The following ALDH1A2 variants were observed in gnomAD, a reference collection of about 807,000 sequenced individuals.
The protein encoded by ALDH1A2 is aldehyde dehydrogenase 1 family member A2.
A neutral mutation model predicts 60.3 loss-of-function variants in ALDH1A2; 27 were observed. That is an observed-to-expected ratio of 0.45 (90% CI 0.33 to 0.62). The LOEUF is 0.62. Among genes scored for constraint, ALDH1A2 ranks in the 20% least tolerant of loss-of-function variants. The pLI is 0.02. For synonymous variants in ALDH1A2, 289 were observed against 232.4 expected (o/e 1.24, Z -2.21); for missense variants, 581 against 643.8 (o/e 0.90, Z 1.06).
chr15:57,964,599 G>A (rs1893834849), intron 8 of ALDH1A2: 1 of 156,956 alleles, frequency 6.4e-6, no homozygotes, highest in South Asian at 1.9e-4. Context: ...AAATCTACAG[G>A]GCCTTGGGGC....
chr15:57,979,176 A>G (rs1330110231), intron 7 of ALDH1A2, among the ~76,000 whole-genome samples: 2 of 152,240 alleles, frequency 1.3e-5, no homozygotes, highest in East Asian at 3.9e-4. Context: ...GTCCTAGGGA[A>G]ATCCAGCCAC....
intron 10 of ALDH1A2, 58 bp from the exon 11 acceptor site, chr15:57,961,352 C>A: frequency 6.3e-7 from 1 of 1,587,214 alleles, no homozygotes; most frequent in South Asian, 1.1e-5. Flanking sequence ...ACCTGCTTTC[C>A]ACATTTCAAT....
At chr15:57,974,513 A>G (rs1375796171) in intron 7 of ALDH1A2, among the ~76,000 whole-genome samples, 1 of 152,048 alleles carries the variant, frequency 6.6e-6, no homozygotes, top group Non-Finnish European at 1.5e-5. Flanking sequence ...AAGCATCACA[A>G]AGGCAATTCA....
At chr15:58,046,101 C>A (rs1310225756) in intron 1 of ALDH1A2, among the ~76,000 whole-genome samples, 1 of 152,000 alleles carries the variant, frequency 6.6e-6, no homozygotes, top group Admixed American at 6.6e-5. Context: ...ATACTCCCTG[C>A]AACAAAGGCT....
intron 1 of ALDH1A2, among the ~76,000 whole-genome samples, chr15:58,015,412 T>A (rs1161430451): frequency 2.0e-5 from 3 of 152,222 alleles, no homozygotes; most frequent in Non-Finnish European, 4.4e-5. Flanking sequence ...ATAACTTTCT[T>A]TTCCCAAAGG....
chr15:57,964,068 C>T lies in ALDH1A2; in HGVS notation c.903G>A (p.Leu301=). 6.2e-7 allele frequency: 1 copy of T among 1,613,978 alleles called. No individual in the cohort carries two copies. Among genetic ancestry groups the T allele is most frequent in the Non-Finnish European group, 8.5e-7 (1 of 1,179,978 alleles). Residue 301 remains leucine (L), a splice_region_variant and synonymous_variant, in exon 9 of 13, where the codon TTG becomes TTA. Coordinates refer to ENST00000249750, the MANE Select transcript of ALDH1A2 (RefSeq NM_003888.4). ...GGTGGGCCTGCTCCACAGCATAGTCCACTACAAGAGGAAACAGCCATGTTC... is the reference window on the plus strand; with the variant it reads ...GGTGGGCCTGCTCCACAGCATAGTCTACTACAAGAGGAAACAGCCATGTTC... ...SPNIIFADAD[L]DYAVEQAHQG... is the part of the protein sequence containing the mutation.
At chr15:57,956,185 C>G (rs1727645109) in intron 12 of ALDH1A2, among the ~76,000 whole-genome samples, 1 of 152,124 alleles carries the variant, frequency 6.6e-6, no homozygotes, top group African/African-American at 2.4e-5. Context: ...AAGAAGGTAC[C>G]TGATGACCAA....
chr15:58,032,730 AT>A (rs1896274142), intron 1 of ALDH1A2, among the ~76,000 whole-genome samples: 1 of 152,076 alleles, frequency 6.6e-6, no homozygotes, highest in Non-Finnish European at 1.5e-5. Flanking sequence ...CTGCACTAGC[AT>A]ATTTATTGTA....
chr15:57,959,455 G>A (rs1460008876), intron 12 of ALDH1A2, among the ~76,000 whole-genome samples: 4 of 152,224 alleles, frequency 2.6e-5, no homozygotes, highest in Admixed American at 6.5e-5. Flanking sequence ...ACAGAAGTTG[G>A]TGACACCAGC....
chr15:57,967,439 G>C (rs1159144476), intron 7 of ALDH1A2, among the ~76,000 whole-genome samples: 2 of 152,086 alleles, frequency 1.3e-5, no homozygotes, highest in African/African-American at 4.8e-5. Flanking sequence ...GACAGAAATG[G>C]GGGTGATGTA....
At chr15:57,977,837 G>A (rs1219380269) in intron 7 of ALDH1A2, among the ~76,000 whole-genome samples, 5 of 151,984 alleles carry the variant, frequency 3.3e-5, no homozygotes, top group Non-Finnish European at 7.4e-5. Context: ...CATGAGTATG[G>A]AATGTTTTTC....
intron 4 of ALDH1A2, among the ~76,000 whole-genome samples, chr15:57,999,808 C>A (rs1895198153): frequency 6.6e-6 from 1 of 152,074 alleles, no homozygotes; most frequent in South Asian, 2.1e-4. Context: ...GACGTGGAAT[C>A]AACCCAAATC....
chr15:57,967,893 G>C (rs768438597), intron 7 of ALDH1A2, among the ~76,000 whole-genome samples: 6 of 152,168 alleles, frequency 3.9e-5, no homozygotes, highest in Non-Finnish European at 7.3e-5. Flanking sequence ...GGTCCTCTGA[G>C]AAGAAAACAG....
chr15:57,959,266 G>A (rs575863803), intron 12 of ALDH1A2, among the ~76,000 whole-genome samples: 1 of 152,332 alleles, frequency 6.6e-6, no homozygotes, highest in African/African-American at 2.4e-5. Flanking sequence ...GGAGAGCACA[G>A]ACATAGAGGA....
intron 4 of ALDH1A2, among the ~76,000 whole-genome samples, chr15:57,998,457 A>T (rs1307969632): frequency 6.6e-6 from 1 of 151,998 alleles, no homozygotes; most frequent in African/African-American, 2.4e-5. Flanking sequence ...CATAATTGAT[A>T]CAAACAGAAT....
chr15:58,009,309 A>T (rs1251878639), intron 4 of ALDH1A2, among the ~76,000 whole-genome samples: 17 of 152,000 alleles, frequency 1.1e-4, no homozygotes, highest in African/African-American at 4.1e-4. Flanking sequence ...GCCCCACCCC[A>T]GACTTATTCA....
At chr15:57,998,784 T>TA (rs1895152533) in intron 4 of ALDH1A2, among the ~76,000 whole-genome samples, 1 of 152,136 alleles carries the variant, frequency 6.6e-6, no homozygotes, top group African/African-American at 2.4e-5. Flanking sequence ...GGCATCATGC[T>TA]ACCTGACTTC....
chr15:58,027,148 G>A (rs1433764620), intron 1 of ALDH1A2, among the ~76,000 whole-genome samples: 1 of 152,188 alleles, frequency 6.6e-6, no homozygotes, highest in Non-Finnish European at 1.5e-5. Flanking sequence ...ACCTCATACA[G>A]GCAGGTGCCC....
At chr15:57,972,848 G>C (rs1417579305) in intron 7 of ALDH1A2, among the ~76,000 whole-genome samples, 1 of 152,028 alleles carries the variant, frequency 6.6e-6, no homozygotes, top group African/African-American at 2.4e-5. Flanking sequence ...AGGCCTATTA[G>C]CTGTTTATAG....
Sources: allele counts gnomAD v4.1 joint callset (sites outside exome capture counted in the v4.1 genomes callset), GRCh38; gene constraint gnomAD v4.1.1; transcripts MANE v1.5; gene names NCBI Gene and HGNC (gene_info 2026-07-23, HGNC 2026-07-21).